The following AVL9 variants were observed in gnomAD, a reference collection of about 807,000 sequenced individuals.
AVL9 encodes the protein late secretory pathway protein AVL9 homolog.
A neutral mutation model predicts 79.2 loss-of-function variants in AVL9; 49 were observed. The observed-to-expected ratio is 0.62, with a 90% CI of 0.49 to 0.79. The LOEUF (loss-of-function observed/expected upper bound fraction) is 0.79, where lower values mean the gene tolerates loss of function less well. Among genes scored for constraint, AVL9 ranks in the 30% least tolerant of loss-of-function variants. AVL9 has a pLI of 0.00. For synonymous variants in AVL9, 299 were observed against 280.6 expected, an observed-to-expected ratio of 1.07 and a Z score of -0.65; for missense variants, 682 against 776.8, an observed-to-expected ratio of 0.88 and a Z score of 1.45.
At chr7:32,498,175 G>C (rs1786943693) in intron 1 of AVL9, among the ~76,000 whole-genome samples, 1 of 151,754 alleles carries the variant, frequency 6.6e-6, no homozygotes, top group South Asian at 2.1e-4. Flanking sequence ...CCCAAAACTA[G>C]GCTTGTGGAA....
At chr7:32,536,420 G>C (rs1381570799) in intron 1 of AVL9, 1 of 152,078 alleles carries the variant, frequency 6.6e-6, no homozygotes, top group Non-Finnish European at 1.5e-5. Context: ...ATGAAATTTT[G>C]TGTCTGTGTG....
intron 12 of AVL9, 73 bp from the exon 13 acceptor site, chr7:32,575,882 T>G: frequency 9.3e-7 from 1 of 1,076,246 alleles, no homozygotes; most frequent in Non-Finnish European, 1.4e-6. Flanking sequence ...TCCTTTACCC[T>G]TTTTGGTTAT....
chr7:32,566,174 A>ATTTTTTTT (rs1562792833), intron 10 of AVL9, among the ~76,000 whole-genome samples: 8 of 129,868 alleles, frequency 6.2e-5, no homozygotes, highest in African/African-American at 2.3e-4. Flanking sequence ...TTTAATTATT[A>ATTTTTTTT]TTATTATTTT....
At chr7:32,521,458 A>G (rs544495312) in intron 1 of AVL9, among the ~76,000 whole-genome samples, 4 of 152,292 alleles carry the variant, frequency 2.6e-5, no homozygotes, top group East Asian at 3.9e-4. Flanking sequence ...GACTGGTGGC[A>G]TTTTGCCTCT....
In AVL9 at chr7:32,521,164, G is replaced by C. The variant is rs570864210; in HGVS notation, c.94-21977G>C. Among the ~76,000 whole-genome samples, 4 of 152,226 alleles carry C rather than the reference G, an allele frequency of 2.6e-5. No individual in the cohort carries two copies. In the South Asian group the frequency reaches 8.3e-4, roughly 32 times the overall value. On this transcript the variant is annotated intron_variant, in intron 1 of 15. Transcript: ENST00000318709. ...AGCAGCACGAAAACAGACTAATACA[G>C]TAAACTGGTACTGGTAGAGTGGGGC...
At chr7:32,504,652 A>C (rs529768237) in intron 1 of AVL9, among the ~76,000 whole-genome samples, 36 of 152,316 alleles carry the variant, frequency 2.4e-4, no homozygotes, top group Middle Eastern at 3.4e-3. Flanking sequence ...CTATGATTCT[A>C]AGATGAAATT....
At chr7:32,527,761 CA>C (rs1291653111) in intron 1 of AVL9, among the ~76,000 whole-genome samples, 1 of 152,122 alleles carries the variant, frequency 6.6e-6, no homozygotes, top group Non-Finnish European at 1.5e-5. Flanking sequence ...TTGCCTCTGG[CA>C]AATCTTGGCC....
chr7:32,530,587 A>G (rs1414257013), intron 1 of AVL9, among the ~76,000 whole-genome samples: 9 of 152,246 alleles, frequency 5.9e-5, no homozygotes, highest in Non-Finnish European at 7.3e-5. Flanking sequence ...TTTAGAAGAA[A>G]TATTTCTTTT....
intron 1 of AVL9, among the ~76,000 whole-genome samples, chr7:32,530,820 G>A (rs1334588721): frequency 6.6e-6 from 1 of 152,108 alleles, no homozygotes; most frequent in Non-Finnish European, 1.5e-5. Flanking sequence ...GCTGGGCATG[G>A]TGGCATGTGC....
In AVL9 at chr7:32,558,190, C is replaced by T. The variant is rs183754511; in HGVS notation, c.610-369C>T. Among the ~76,000 whole-genome samples the T allele has an allele frequency of 9.0e-3, 1,354 of 149,666 alleles. 10 individuals carry two copies. Among genetic ancestry groups the T allele is most frequent in the South Asian group, 0.019 (90 of 4,690 alleles). On this transcript the variant is annotated intron_variant, in intron 8 of 15. Transcript: ENST00000318709. Reference sequence around the variant, plus strand: ...TTCTTCTTTTTATGAGACAGAGTCTCGCTCTCTAGCCAGGCTGGAGTGCAG... The same window carrying T: ...TTCTTCTTTTTATGAGACAGAGTCTTGCTCTCTAGCCAGGCTGGAGTGCAG...
At chr7:32,535,868 C>A (rs932454948) in intron 1 of AVL9, 1 of 152,156 alleles carries the variant, frequency 6.6e-6, no homozygotes, top group Non-Finnish European at 1.5e-5. Context: ...TTCCCCCATG[C>A]ATTTCTCTTG....
chr7:32,574,417 A>G (rs1021309792), intron 12 of AVL9, among the ~76,000 whole-genome samples: 1 of 152,198 alleles, frequency 6.6e-6, no homozygotes, highest in African/African-American at 2.4e-5. Flanking sequence ...GAGACACCAA[A>G]ATTAAATCCT....
chr7:32,579,564 ATATAT>A (rs1562802381), intron 13 of AVL9, among the ~76,000 whole-genome samples: 78 of 5,978 alleles, frequency 0.013, 19 homozygotes, highest in African/African-American at 0.036. Context: ...ATATTATATT[ATATAT>A]TATATTATAT....
intron 3 of AVL9, 35 bp downstream of exon 3, chr7:32,544,814 T>G: frequency 1.3e-6 from 2 of 1,526,648 alleles, no homozygotes; most frequent in South Asian, 1.1e-5. Context: ...AATTCCAAAG[T>G]CCCTTCTTAG....
chr7:32,521,023 C>T (rs1260867376), intron 1 of AVL9, among the ~76,000 whole-genome samples: 1 of 152,042 alleles, frequency 6.6e-6, no homozygotes, highest in Non-Finnish European at 1.5e-5. Context: ...TCTCTTCCCG[C>T]CGACATGTAA....
chr7:32,525,880 G>T (rs902049987), intron 1 of AVL9, among the ~76,000 whole-genome samples: 1 of 152,072 alleles, frequency 6.6e-6, no homozygotes, highest in Non-Finnish European at 1.5e-5. Flanking sequence ...TTTTGGGGGG[G>T]AAAAACACTG....
At chr7:32,542,537 C>CA (rs746134076) in intron 1 of AVL9, among the ~76,000 whole-genome samples, 1 of 151,998 alleles carries the variant, frequency 6.6e-6, no homozygotes, top group Non-Finnish European at 1.5e-5. Flanking sequence ...GCCTGGCTGA[C>CA]AGAGTGAGAC....
chr7:32,496,357 C>T (rs141203589), intron 1 of AVL9, among the ~76,000 whole-genome samples: 1 of 152,206 alleles, frequency 6.6e-6, no homozygotes, highest in Admixed American at 6.5e-5. Flanking sequence ...CTTTGCCTCC[C>T]CCTTCCCATT....
chr7:32,534,030 T>C (rs549282068), intron 1 of AVL9: 42 of 152,354 alleles, frequency 2.8e-4, no homozygotes, highest in African/African-American at 9.4e-4. Context: ...GGAATCTGAC[T>C]AGAGGACACC....
Sources: allele counts gnomAD v4.1 joint callset (sites outside exome capture counted in the v4.1 genomes callset), GRCh38; gene constraint gnomAD v4.1.1; transcripts MANE v1.5; gene names NCBI Gene and HGNC (gene_info 2026-07-23, HGNC 2026-07-21).